Variants in ACSS1 observed in about 807,000 individuals in gnomAD.
ACSS1 encodes the protein acyl-CoA synthetase short chain family member 1, also known as acetyl-coenzyme A synthetase 2-like, mitochondrial.
A neutral mutation model predicts 75.3 loss-of-function variants in ACSS1; 42 were observed. The ratio of observed to expected loss-of-function variants is 0.56; its 90% CI spans 0.44 to 0.72. The LOEUF (loss-of-function observed/expected upper bound fraction) is 0.72, where lower values mean the gene tolerates loss of function less well. Ranked by LOEUF, ACSS1 falls within the 30% of genes least tolerant of loss-of-function variation. The probability of loss-of-function intolerance (pLI) is 0.00; values close to 1 mark genes in which losing one functional copy is unlikely to be tolerated. For synonymous variants in ACSS1, 380 were observed against 376.8 expected, an observed-to-expected ratio of 1.01 and a Z score of -0.10; for missense variants, 782 against 935.7, an observed-to-expected ratio of 0.84 and a Z score of 2.14.
rs961847760 is a variant in ACSS1 at position 25,030,925 on chromosome 20, G to A, written c.465C>T (p.Asn155=). Residue 155 remains asparagine (N), a synonymous_variant, in exon 3 of 14, where the codon AAC becomes AAT. Coordinates refer to ENST00000323482, the MANE Select transcript of ACSS1 (RefSeq NM_032501.4). ...GGTGGACTCCATGCCTCTTCAGCGT[G>A]TTGGCCAGGCGGCACGTGGTCTCCA... ...ELLETTCRLA[N]TLKRHGVHRG... The A allele has an allele frequency of 1.2e-6, 2 of 1,614,228 alleles. No individual in the cohort carries two copies. The highest frequency in any genetic ancestry group is 2.2e-5 in the South Asian group (2 of 91,080).
At chr20:25,044,326 A>G (rs2089051288) in intron 2 of ACSS1, among the ~76,000 whole-genome samples, 1 of 152,206 alleles carries the variant, frequency 6.6e-6, no homozygotes, top group Admixed American at 6.5e-5. Context: ...TGTGAAGGAC[A>G]GTCTTCTAAA....
At chr20:25,007,998 C>A (rs554538062) in intron 13 of ACSS1, 57 bp from the exon 14 acceptor site, 1 of 1,575,384 alleles carries the variant, frequency 6.3e-7, no homozygotes, top group African/African-American at 1.3e-5. Context: ...TCTGTGCTAG[C>A]GTGGACTGCA....
Position 25,007,194 on chromosome 20 carries a change from A to G in ACSS1, c.*568T>C. The G allele has an allele frequency of 8.1e-7, 1 of 1,238,568 alleles. No homozygotes were observed. The highest frequency in any genetic ancestry group is 1.5e-5 in the African/African-American group (1 of 65,934). The allele number at this position is 1,238,568 out of a possible 1,614,324, so 76.7% of individuals were successfully genotyped here. A position where few individuals can be genotyped will look rare whatever the true frequency, so the allele number is the denominator to read the frequency against. On this transcript the variant is annotated 3_prime_UTR_variant, in exon 14 of 14. Transcript: ENST00000323482. ...CTTCCAAATACACTAACAATAATTA[A>G]AAATGTGGCCTCTGATCCTCATGTT...
intron 12 of ACSS1, chr20:25,011,343 A>C (rs1333681220): frequency 6.6e-6 from 1 of 152,388 alleles, no homozygotes; most frequent in Non-Finnish European, 1.5e-5. Flanking sequence ...CCCCAGACAC[A>C]GTGGACCATG....
intron 2 of ACSS1, among the ~76,000 whole-genome samples, chr20:25,036,997 GAAGAAAGA>G (rs569262027): frequency 1.7e-5 from 2 of 115,802 alleles, no homozygotes; most frequent in African/African-American, 3.3e-5. Flanking sequence ...AAGAAAGAAA[GAAGAAAGA>G]AAGGAAGGAA....
chr20:25,045,634 G>A (rs745666773), intron 2 of ACSS1, among the ~76,000 whole-genome samples: 5 of 152,320 alleles, frequency 3.3e-5, no homozygotes, highest in South Asian at 4.1e-4. Flanking sequence ...TAGGCACCTC[G>A]AGTGCTGTGG....
At position 25,007,496 on chromosome 20, in the gene ACSS1, C is replaced by A; in HGVS notation, c.*266G>T. On this transcript the variant is annotated 3_prime_UTR_variant, in exon 14 of 14. Transcript: ENST00000323482. Reference sequence around the variant, plus strand: ...GGGCAGAGGAATGGAGATGGCAATGCCTTTTCATTCCAGGAAACCAAACTC... The same window carrying A: ...GGGCAGAGGAATGGAGATGGCAATGACTTTTCATTCCAGGAAACCAAACTC... 1 of 1,302,050 alleles carries A rather than the reference C, an allele frequency of 7.7e-7. No individual in the cohort carries two copies. Among genetic ancestry groups the A allele is most frequent in the South Asian group, 2.0e-5 (1 of 49,824 alleles). The allele number at this position is 1,302,050 out of a possible 1,614,324, so 80.7% of individuals were successfully genotyped here.
chr20:25,046,642 T>G, intron 2 of ACSS1: 1 of 612,692 alleles, frequency 1.6e-6, no homozygotes, highest in Non-Finnish European at 2.9e-6. Context: ...GAAGAACTAC[T>G]CCAGGGGCAG....
rs2088663889 is a variant in ACSS1 at position 25,023,529 on chromosome 20, G to A, written c.744C>T (p.Val248=). The stretch of plus-strand genomic sequence containing the variant: ...TGTTGTCTGTCCTGTGAGCCACCAG[G>A]ACATGCTGCACGGTGGGGCAGTGCT... The part of the protein sequence containing the change: ...AVKHCPTVQH[V]LVAHRTDNKV... Residue 248 remains valine (V), a synonymous_variant, in exon 4 of 14, where the codon GTC becomes GTT. Transcript: ENST00000323482. 2 of 1,614,174 alleles carry A rather than the reference G, an allele frequency of 1.2e-6. No homozygotes were observed. The highest frequency in any genetic ancestry group is 1.7e-6 in the Non-Finnish European group (2 of 1,180,026).
chr20:25,037,329 C>T (rs1474580481), intron 2 of ACSS1, among the ~76,000 whole-genome samples: 1 of 152,136 alleles, frequency 6.6e-6, no homozygotes, highest in Non-Finnish European at 1.5e-5. Context: ...ACCCTGTGTC[C>T]TCCTTCCCCT....
At chr20:25,008,586 G>A (rs149449447) in intron 13 of ACSS1, among the ~76,000 whole-genome samples, 8 of 152,190 alleles carry the variant, frequency 5.3e-5, no homozygotes, top group Non-Finnish European at 7.4e-5. Flanking sequence ...TCTGAGGGCC[G>A]CCAAACCCAG....
Position 25,009,395 on chromosome 20 carries a change from A to T in ACSS1, c.1772-7T>A. ...ACAATGAAGGCAAAGGCAGCTGAAA[A>T]TAAAGCCAAGTTTGGGGATGTATTA... is the stretch of plus-strand genomic sequence containing the variant. On this transcript the variant is annotated splice_region_variant and splice_polypyrimidine_tract_variant and intron_variant, in intron 12 of 13. Coordinates refer to ENST00000323482, the MANE Select transcript of ACSS1 (RefSeq NM_032501.4). 1 of 1,610,696 alleles carries T rather than the reference A, an allele frequency of 6.2e-7. No homozygotes were observed. Among genetic ancestry groups the T allele is most frequent in the Non-Finnish European group, 8.5e-7 (1 of 1,176,784 alleles).
intron 2 of ACSS1, chr20:25,031,176 T>G (rs901230344): frequency 1.5e-6 from 1 of 651,772 alleles, no homozygotes; most frequent in African/African-American, 1.8e-5. Flanking sequence ...CACTGCCACA[T>G]TGCTAGGGTG....
At chr20:25,045,105 C>A (rs2089065448) in intron 2 of ACSS1, among the ~76,000 whole-genome samples, 1 of 152,244 alleles carries the variant, frequency 6.6e-6, no homozygotes, top group South Asian at 2.1e-4. Context: ...ACATCATTAT[C>A]ACGGCTATTC....
intron 7 of ACSS1, among the ~76,000 whole-genome samples, chr20:25,015,937 A>C (rs1802082267): frequency 6.6e-6 from 1 of 152,192 alleles, no homozygotes; most frequent in African/African-American, 2.4e-5. Flanking sequence ...ACCTCAAAAC[A>C]TGACCCCTGA....
Position 25,020,150 on chromosome 20 carries a change from A to G in ACSS1, c.1109-3T>C. On this transcript the variant is annotated splice_region_variant and splice_polypyrimidine_tract_variant and intron_variant, in intron 6 of 13. Transcript: ENST00000323482. ...CTCTACTGTCTCCCAGTACCGACCT[A>G]CAGAAAGGCCGAAATTCACTGTCAG... 6.2e-7 allele frequency: 1 copy of G among 1,614,112 alleles called. No individual in the cohort carries two copies. Among genetic ancestry groups the G allele is most frequent in the South Asian group, 1.1e-5 (1 of 91,080 alleles).
At chr20:25,038,482 A>C (rs2088950589) in intron 2 of ACSS1, among the ~76,000 whole-genome samples, 1 of 152,222 alleles carries the variant, frequency 6.6e-6, no homozygotes, top group Non-Finnish European at 1.5e-5. Context: ...AGACATGGGA[A>C]AAAGAGAATT....
At chr20:25,012,763 G>A (rs2122590924) in intron 11 of ACSS1, 49 bp downstream of exon 11, 2 of 1,613,284 alleles carry the variant, frequency 1.2e-6, no homozygotes, top group Non-Finnish European at 1.7e-6. Context: ...GGTCCACAGG[G>A]GCATCATGGA....
At chr20:25,023,998 T>C (rs1487369183) in intron 3 of ACSS1, among the ~76,000 whole-genome samples, 1 of 152,132 alleles carries the variant, frequency 6.6e-6, no homozygotes, top group Non-Finnish European at 1.5e-5. Context: ...TCATGCCACC[T>C]GCAGCAATCA....
Sources: allele counts gnomAD v4.1 joint callset (sites outside exome capture counted in the v4.1 genomes callset), GRCh38; gene constraint gnomAD v4.1.1; transcripts MANE v1.5; gene names NCBI Gene and HGNC (gene_info 2026-07-23, HGNC 2026-07-21).